SFMBT2: variants seen among roughly 807,000 people sequenced by gnomAD.
SFMBT2 encodes scm-like with four MBT domains protein 2.
A neutral mutation model predicts 110.1 loss-of-function variants in SFMBT2; 38 were observed. That is an observed-to-expected ratio of 0.35 (90% CI 0.27 to 0.45). SFMBT2 has a LOEUF of 0.45. SFMBT2 is among the 20% of genes least tolerant of loss of function. SFMBT2 has a pLI of 1.00. For missense variants in SFMBT2, 1,011 were observed against 1,094.9 expected (o/e 0.92, Z 1.08); for synonymous variants, 425 against 425.4 (o/e 1.00, Z 0.01).
At chr10:7,197,749 T>C (rs1838823966) in intron 14 of SFMBT2, 62 bp from the exon 15 acceptor site, 2 of 1,569,358 alleles carry the variant, frequency 1.3e-6, no homozygotes, top group Middle Eastern at 2.3e-4. Flanking sequence ...AGGGGACCCC[T>C]AGACCCTTGC....
chr10:7,244,073 TTC>T, intron 8 of SFMBT2: 1 of 889,470 alleles, frequency 1.1e-6, no homozygotes, highest in Non-Finnish European at 1.3e-6. Flanking sequence ...GTGAAACCGT[TTC>T]TCAGTGTCCA....
At chr10:7,361,353 G>C (rs1844712135) in intron 4 of SFMBT2, among the ~76,000 whole-genome samples, 1 of 152,056 alleles carries the variant, frequency 6.6e-6, no homozygotes, top group Non-Finnish European at 1.5e-5. Context: ...CTACTTTTTG[G>C]AGTCCACAGT....
intron 1 of SFMBT2, among the ~76,000 whole-genome samples, chr10:7,387,495 A>G (rs1383200170): frequency 6.6e-6 from 1 of 152,156 alleles, no homozygotes; most frequent in Non-Finnish European, 1.5e-5. Flanking sequence ...CCAAGAATGT[A>G]CCTGGAATCC....
intron 15 of SFMBT2, among the ~76,000 whole-genome samples, chr10:7,190,210 T>C (rs986757804): frequency 1.3e-5 from 2 of 152,226 alleles, no homozygotes; most frequent in Non-Finnish European, 2.9e-5. Context: ...TTGTGTTTTC[T>C]GTATTAGAAT....
At position 7,171,846 on chromosome 10, in the gene SFMBT2, C is replaced by T. The variant is rs1307500455; in HGVS notation, c.2415+49G>A. The T allele has an allele frequency of 3.6e-6, 5 of 1,377,270 alleles. No homozygotes were observed. The highest frequency in any genetic ancestry group is 4.7e-6 in the Non-Finnish European group (5 of 1,067,438). The allele number at this position is 1,377,270 out of a possible 1,614,324, so 85.3% of individuals were successfully genotyped here. A position where few individuals can be genotyped will look rare whatever the true frequency, so the allele number is the denominator to read the frequency against. ...GTGGCCCTGAAGTGTAACAGGTGTGCTTCTTCAGACCCAGCGGGAAGCCCT... is the reference window on the plus strand; with the variant it reads ...GTGGCCCTGAAGTGTAACAGGTGTGTTTCTTCAGACCCAGCGGGAAGCCCT... On this transcript the variant is annotated intron_variant, in intron 19 of 20. Transcript: ENST00000397167. This position sits in a 1 kb window ranked among gnomAD's most constrained non-coding sequence, Gnocchi z 4.9.
chr10:7,244,332 C>T (rs1161284345), intron 8 of SFMBT2: 2 of 201,726 alleles, frequency 9.9e-6, no homozygotes, highest in East Asian at 3.7e-4. Flanking sequence ...AATAAACCGC[C>T]CTCACTCTGC....
At chr10:7,240,171 C>T (rs1242730439) in intron 9 of SFMBT2, among the ~76,000 whole-genome samples, 1 of 152,160 alleles carries the variant, frequency 6.6e-6, no homozygotes, top group African/African-American at 2.4e-5. Flanking sequence ...GTCCCTCATA[C>T]CCCAAAAACA....
Position 7,250,630 on chromosome 10 carries a change from T to C in SFMBT2, c.871-1981A>G, listed in dbSNP as rs183512089. Among the ~76,000 whole-genome samples, 447 of 152,314 alleles carry C rather than the reference T, an allele frequency of 2.9e-3. 1 individual carries two copies. The highest frequency in any genetic ancestry group is 0.01 in the African/African-American group (430 of 41,560). Reference sequence around the variant, plus strand: ...CCAGTGAGATTGCTGGGTTGAATGGTAGCTGTTTTAAGTCAAGAAATCTCA... The same window carrying C: ...CCAGTGAGATTGCTGGGTTGAATGGCAGCTGTTTTAAGTCAAGAAATCTCA... On this transcript the variant is annotated intron_variant, in intron 7 of 20. Transcript: ENST00000397167.
At chr10:7,180,104 G>A (rs7915517) in intron 16 of SFMBT2, among the ~76,000 whole-genome samples, 75,473 of 148,718 alleles carry the variant, frequency 0.51, 21,534 homozygotes, top group East Asian at 0.66. Context: ...TTCAGTTGTG[G>A]CCCTTTTATT....
At chr10:7,328,321 T>C (rs942267854) in intron 4 of SFMBT2, among the ~76,000 whole-genome samples, 1 of 152,248 alleles carries the variant, frequency 6.6e-6, no homozygotes, top group Non-Finnish European at 1.5e-5. Context: ...GGATTATTTT[T>C]CCTTCCTGTT....
At chr10:7,373,543 G>C (rs1347953828) in intron 2 of SFMBT2, among the ~76,000 whole-genome samples, 2 of 152,156 alleles carry the variant, frequency 1.3e-5, no homozygotes, top group African/African-American at 2.4e-5. Context: ...AGCCACTGTT[G>C]TCCAGCATCA....
intron 4 of SFMBT2, among the ~76,000 whole-genome samples, chr10:7,298,882 G>A (rs540755864): frequency 2.6e-5 from 4 of 152,176 alleles, no homozygotes; most frequent in African/African-American, 7.2e-5. Context: ...AAAGGATTAC[G>A]AACAACTACT....
chr10:7,365,229 T>G (rs1844854049), intron 4 of SFMBT2, among the ~76,000 whole-genome samples: 1 of 152,180 alleles, frequency 6.6e-6, no homozygotes, highest in South Asian at 2.1e-4. Flanking sequence ...CTCACCTGAA[T>G]AGAGAGGCTG....
At chr10:7,330,439 T>G (rs1309923703) in intron 4 of SFMBT2, among the ~76,000 whole-genome samples, 1 of 152,130 alleles carries the variant, frequency 6.6e-6, no homozygotes, top group African/African-American at 2.4e-5. Flanking sequence ...AGGAAGCATG[T>G]GAATTGAGTA....
intron 2 of SFMBT2, among the ~76,000 whole-genome samples, chr10:7,372,507 G>A (rs1397625691): frequency 6.6e-6 from 1 of 152,192 alleles, no homozygotes; most frequent in Non-Finnish European, 1.5e-5. Context: ...AGGGATTGAC[G>A]CCCTTCAAAC....
chr10:7,176,128 C>A lies in SFMBT2; in HGVS notation c.1846G>T (p.Val616Leu). The A allele has an allele frequency of 6.2e-7, 1 of 1,614,156 alleles. No homozygotes were observed. Among genetic ancestry groups the A allele is most frequent in the Non-Finnish European group, 8.5e-7 (1 of 1,180,022 alleles). The change falls in exon 17 of 21, where the codon GTA becomes TTA. Residue 616 changes from valine to leucine, a missense_variant. Coordinates refer to ENST00000397167, the MANE Select transcript of SFMBT2 (RefSeq NM_001387889.1). Reference protein sequence around the residue: ...GKTYRAVVKIVRTSDQVANFC... With the variant: ...GKTYRAVVKILRTSDQVANFC... ...TTTGCGACTTGGTCAGATGTCCGTACGATTTTGACCACAGCCCTGTATGTT... is the reference window on the plus strand; with the variant it reads ...TTTGCGACTTGGTCAGATGTCCGTAAGATTTTGACCACAGCCCTGTATGTT...
chr10:7,287,091 T>TTG (rs1842113609), intron 4 of SFMBT2, among the ~76,000 whole-genome samples: 1 of 146,308 alleles, frequency 6.8e-6, no homozygotes, highest in African/African-American at 2.5e-5. Context: ...TTTTTTTTTT[T>TTG]TTTTTTTTGA....
At chr10:7,247,726 C>A (rs1406439164) in intron 8 of SFMBT2, among the ~76,000 whole-genome samples, 1 of 152,200 alleles carries the variant, frequency 6.6e-6, no homozygotes, top group Non-Finnish European at 1.5e-5. Context: ...ACACAAAAGA[C>A]CATTCACCAA....
chr10:7,266,928 G>C (rs1453567943), intron 7 of SFMBT2, among the ~76,000 whole-genome samples: 1 of 152,056 alleles, frequency 6.6e-6, no homozygotes, highest in Non-Finnish European at 1.5e-5. Flanking sequence ...TGCAAGGGGG[G>C]GTCTGTGGCT....
Sources: allele counts gnomAD v4.1 joint callset (sites outside exome capture counted in the v4.1 genomes callset), GRCh38; gene constraint gnomAD v4.1.1; non-coding constraint Gnocchi (gnomAD v3.1); transcripts MANE v1.5; gene names NCBI Gene and HGNC (gene_info 2026-07-23, HGNC 2026-07-21).